The following SPOCK3 variants were observed in gnomAD, a reference collection of about 807,000 sequenced individuals.
SPOCK3 encodes SPARC (osteonectin), cwcv and kazal like domains proteoglycan 3.
Under a neutral mutation model 56.6 loss-of-function variants are expected in SPOCK3, and 30 were observed. The ratio of observed to expected loss-of-function variants is 0.53; its 90% CI spans 0.40 to 0.72. The LOEUF (loss-of-function observed/expected upper bound fraction) is 0.72. Ranked by LOEUF, SPOCK3 falls within the 30% of genes least tolerant of loss-of-function variation. SPOCK3 has a pLI of 0.00. For missense variants in SPOCK3, 527 were observed against 530.0 expected (o/e 0.99, Z 0.06); for synonymous variants, 196 against 183.3 (o/e 1.07, Z -0.56).
chr4:166,830,301 T>C (rs1051204061), intron 6 of SPOCK3, among the ~76,000 whole-genome samples: 4 of 152,212 alleles, frequency 2.6e-5, no homozygotes, highest in Non-Finnish European at 5.9e-5. Context: ...TCAGAAATGA[T>C]TTTTAGGACT....
intron 6 of SPOCK3, among the ~76,000 whole-genome samples, chr4:166,815,409 T>C (rs1207999213): frequency 6.6e-6 from 1 of 152,140 alleles, no homozygotes; most frequent in Non-Finnish European, 1.5e-5. Context: ...TTTGATGTGA[T>C]TATAAAATTC....
At chr4:166,789,195 C>T (rs571830919) in intron 7 of SPOCK3, among the ~76,000 whole-genome samples, 4 of 152,042 alleles carry the variant, frequency 2.6e-5, no homozygotes, top group South Asian at 4.2e-4. Flanking sequence ...TTTGGGAAGC[C>T]AAGGCGGGCA....
intron 2 of SPOCK3, among the ~76,000 whole-genome samples, chr4:167,189,938 A>T (rs1732333686): frequency 1.4e-5 from 2 of 145,966 alleles, no homozygotes; most frequent in Non-Finnish European, 3.0e-5. Context: ...CTCCAGTTTC[A>T]TTCATGTTGT....
rs1739177165 is a variant in SPOCK3, at chr4:166,773,415, G to A, written c.710-18686C>T. Among the ~76,000 whole-genome samples, 3 of 143,560 alleles carry A rather than the reference G, an allele frequency of 2.1e-5. 1 individual carries two copies. Among genetic ancestry groups the A allele is most frequent in the Middle Eastern group, 7.0e-3 (2 of 286 alleles). The allele number at this position is 143,560 out of a possible 152,430, so 94.2% of individuals were successfully genotyped here. Reference sequence around the variant, plus strand: ...AAAAACTGATGCTTTATTTTGCAGTGTAATAAAAGTAACTGTTTCTTTTAA... The same window carrying A: ...AAAAACTGATGCTTTATTTTGCAGTATAATAAAAGTAACTGTTTCTTTTAA... On this transcript the variant is annotated intron_variant, in intron 7 of 10. Transcript: ENST00000357545.
At chr4:167,034,741 C>A (rs557251923) in intron 3 of SPOCK3, among the ~76,000 whole-genome samples, 19 of 152,222 alleles carry the variant, frequency 1.2e-4, no homozygotes, top group African/African-American at 4.6e-4. Flanking sequence ...GAGGTTAATA[C>A]ATCTACATAT....
intron 2 of SPOCK3, among the ~76,000 whole-genome samples, chr4:167,183,034 G>A (rs1013936863): frequency 8.9e-6 from 1 of 111,824 alleles, no homozygotes; most frequent in Non-Finnish European, 2.1e-5. Context: ...TGAAGAGACT[G>A]TGCAAGTTCC....
chr4:166,870,916 C>G (rs1038505617), intron 6 of SPOCK3, among the ~76,000 whole-genome samples: 12 of 152,116 alleles, frequency 7.9e-5, no homozygotes, highest in Non-Finnish European at 1.2e-4. Context: ...CTCACAAGAT[C>G]TGATGGTTTT....
At chr4:167,187,169 C>T (rs959146056) in intron 2 of SPOCK3, among the ~76,000 whole-genome samples, 3 of 151,940 alleles carry the variant, frequency 2.0e-5, no homozygotes, top group African/African-American at 7.3e-5. Flanking sequence ...GGTGACCTTA[C>T]AATTCTTTCA....
At chr4:166,778,490 G>A (rs553189772) in intron 7 of SPOCK3, among the ~76,000 whole-genome samples, 2 of 152,220 alleles carry the variant, frequency 1.3e-5, no homozygotes, top group Admixed American at 1.3e-4. Flanking sequence ...CTGTAATACT[G>A]TCAGATTTGG....
chr4:166,831,130 A>C (rs1362790001), intron 6 of SPOCK3, among the ~76,000 whole-genome samples: 1 of 152,172 alleles, frequency 6.6e-6, no homozygotes, highest in Non-Finnish European at 1.5e-5. Context: ...CTACTGAAAA[A>C]TTGGGGGAGA....
intron 2 of SPOCK3, among the ~76,000 whole-genome samples, chr4:167,093,413 T>C (rs564694638): frequency 6.6e-6 from 1 of 152,230 alleles, no homozygotes; most frequent in Admixed American, 6.5e-5. Context: ...ATCTACATTA[T>C]GTATTTCTCC....
intron 6 of SPOCK3, among the ~76,000 whole-genome samples, chr4:166,804,818 T>C (rs79637960): frequency 0.017 from 2,522 of 152,202 alleles, 51 homozygotes; most frequent in African/African-American, 0.043. Flanking sequence ...AAAAATACAC[T>C]GATTAGGCAG....
At chr4:167,057,214 T>C (rs1052735102) in intron 3 of SPOCK3, among the ~76,000 whole-genome samples, 5 of 152,116 alleles carry the variant, frequency 3.3e-5, no homozygotes, top group African/African-American at 9.7e-5. Flanking sequence ...AGAAATAAAA[T>C]ACTTTACAGA....
At chr4:166,804,479 A>G (rs1336366959) in intron 6 of SPOCK3, among the ~76,000 whole-genome samples, 2 of 152,134 alleles carry the variant, frequency 1.3e-5, no homozygotes, top group African/African-American at 4.8e-5. Context: ...TTCAGGCCAT[A>G]ACAGTAGACA....
At chr4:167,051,557 T>C (rs915597929) in intron 3 of SPOCK3, among the ~76,000 whole-genome samples, 6 of 152,214 alleles carry the variant, frequency 3.9e-5, no homozygotes, top group Non-Finnish European at 7.3e-5. Context: ...CCTTCTTCAA[T>C]GGACTAGCAA....
intron 2 of SPOCK3, among the ~76,000 whole-genome samples, chr4:167,204,533 G>T (rs1733838614): frequency 6.6e-6 from 1 of 151,922 alleles, no homozygotes; most frequent in South Asian, 2.1e-4. Flanking sequence ...ACTATCATGA[G>T]AACACCGTGG....
chr4:167,214,896 A>T (rs567520785), intron 2 of SPOCK3, among the ~76,000 whole-genome samples: 2 of 152,136 alleles, frequency 1.3e-5, no homozygotes, highest in South Asian at 2.1e-4. Context: ...ACATTTTCAT[A>T]GATCAGGAGT....
chr4:166,912,731 T>C lies in SPOCK3; in HGVS notation c.363A>G (p.Ala121=). 7 of 1,600,596 alleles carry C rather than the reference T, an allele frequency of 4.4e-6. No individual in the cohort carries two copies. Among genetic ancestry groups the C allele is most frequent in the Non-Finnish European group, 6.0e-6 (7 of 1,175,780 alleles). Residue 121 remains alanine (A), a synonymous_variant, in exon 5 of 11, where the codon GCA becomes GCG. Coordinates refer to ENST00000357545, the MANE Select transcript of SPOCK3 (RefSeq NM_001040159.2). ...HRRLTHRMKE[A]GVDHRQWRGP... ...CCCTCCACTGCCTATGGTCTACTCC[T>C]GCTTCTTTCATCCTGTTAAAAAAAT...
At chr4:167,093,302 G>A (rs894076933) in intron 2 of SPOCK3, among the ~76,000 whole-genome samples, 2 of 152,022 alleles carry the variant, frequency 1.3e-5, no homozygotes, top group African/African-American at 4.8e-5. Flanking sequence ...AATTTTATGA[G>A]TCTTTTTTTA....
Sources: gnomAD v4.1 joint callset for allele counts (sites outside exome capture counted in the v4.1 genomes callset) on GRCh38, gnomAD v4.1.1 for gene constraint, MANE v1.5 for transcripts, NCBI Gene and HGNC (gene_info 2026-07-23, HGNC 2026-07-21) for gene names.